DEPTOR: variants seen among roughly 807,000 people sequenced by gnomAD.
The protein encoded by DEPTOR is DEP domain containing MTOR interacting protein.
A neutral mutation model predicts 41.6 loss-of-function variants in DEPTOR; 41 were observed. The observed-to-expected ratio is 0.98, with a 90% CI of 0.77 to 1.28. DEPTOR has a LOEUF of 1.28. Ranked by LOEUF, DEPTOR falls within the 50% of genes most tolerant of loss-of-function variation. The probability of loss-of-function intolerance (pLI) is 0.00; values close to 1 mark genes in which losing one functional copy is unlikely to be tolerated. For synonymous variants in DEPTOR, 195 were observed against 192.3 expected (o/e 1.01, Z -0.12); for missense variants, 514 against 527.9 (o/e 0.97, Z 0.26).
At chr8:119,955,819 C>T (rs939551376) in intron 3 of DEPTOR, among the ~76,000 whole-genome samples, 15 of 152,104 alleles carry the variant, frequency 9.9e-5, no homozygotes, top group African/African-American at 2.7e-4. Flanking sequence ...CTGAATTGTA[C>T]GTGTTAAATA....
intron 3 of DEPTOR, among the ~76,000 whole-genome samples, chr8:119,932,163 T>G (rs112920347): frequency 0.015 from 2,301 of 151,896 alleles, 62 homozygotes; most frequent in African/African-American, 0.053. Context: ...TTTTTAACTT[T>G]TTGTAGAGAC....
intron 8 of DEPTOR, among the ~76,000 whole-genome samples, chr8:120,033,318 C>T (rs746471802): frequency 1.3e-5 from 2 of 152,070 alleles, no homozygotes; most frequent in Non-Finnish European, 2.9e-5. Flanking sequence ...AACTCCTAAC[C>T]TCAGGTGTTC....
chr8:119,876,697 A>T (rs556463103), intron 1 of DEPTOR, among the ~76,000 whole-genome samples: 4 of 151,950 alleles, frequency 2.6e-5, no homozygotes, highest in African/African-American at 9.7e-5. Flanking sequence ...TAGTGTTACT[A>T]TGAGGATTAG....
chr8:119,921,077 A>C (rs929636167), intron 1 of DEPTOR, among the ~76,000 whole-genome samples: 1 of 152,092 alleles, frequency 6.6e-6, no homozygotes, highest in African/African-American at 2.4e-5. Flanking sequence ...CCCAGGCTCA[A>C]GGGATCCTCC....
intron 1 of DEPTOR, among the ~76,000 whole-genome samples, chr8:119,883,304 CT>C (rs1285384441): frequency 1.1e-3 from 173 of 151,754 alleles, no homozygotes; most frequent in African/African-American, 4.1e-3. Context: ...GAAACCCCGT[CT>C]CTACTAAAAA....
chr8:119,952,613 C>G (rs369455436), intron 3 of DEPTOR, among the ~76,000 whole-genome samples: 1 of 152,190 alleles, frequency 6.6e-6, no homozygotes, highest in Non-Finnish European at 1.5e-5. Flanking sequence ...GTGTTGTTCC[C>G]CCCGGGCCGT....
intron 1 of DEPTOR, among the ~76,000 whole-genome samples, chr8:119,901,756 A>C (rs1009181611): frequency 6.6e-6 from 1 of 152,012 alleles, no homozygotes; most frequent in Non-Finnish European, 1.5e-5. Context: ...TGATGGCTCC[A>C]ATGCTTTCTG....
At position 120,039,981 on chromosome 8, in the gene DEPTOR, C is replaced by T. The variant is rs375889133; in HGVS notation, c.1102-9595C>T. ...GCCTCAGCCTCCCAAGTAGCTGGGA[C>T]TACAGGCACATGCCACCACGCCTGG... On this transcript the variant is annotated intron_variant, in intron 8 of 8. Coordinates refer to ENST00000286234, the MANE Select transcript of DEPTOR (RefSeq NM_022783.4). 1.8e-4 allele frequency among the ~76,000 whole-genome samples: 28 copies of T among 152,144 alleles called. No homozygotes were observed. The East Asian group carries it at 4.7e-3, about 25-fold the overall frequency.
chr8:119,877,055 G>T (rs965197294), intron 1 of DEPTOR, among the ~76,000 whole-genome samples: 2 of 152,134 alleles, frequency 1.3e-5, no homozygotes, highest in East Asian at 1.9e-4. Flanking sequence ...TTCTTATTCT[G>T]CCTCCACCAT....
At chr8:120,009,429 G>A (rs1330956748) in intron 8 of DEPTOR, among the ~76,000 whole-genome samples, 2 of 151,896 alleles carry the variant, frequency 1.3e-5, no homozygotes, top group African/African-American at 4.8e-5. Context: ...CCTGGCCACC[G>A]TGGCGAAACC....
chr8:119,914,057 TC>T (rs1827780433), intron 1 of DEPTOR, among the ~76,000 whole-genome samples: 1 of 151,622 alleles, frequency 6.6e-6, no homozygotes, highest in South Asian at 2.1e-4. Context: ...CCTTTTTTGT[TC>T]TTTTTTTTGA....
At chr8:120,013,437 G>A (rs1812562308) in intron 8 of DEPTOR, among the ~76,000 whole-genome samples, 1 of 152,134 alleles carries the variant, frequency 6.6e-6, no homozygotes, top group Non-Finnish European at 1.5e-5. Flanking sequence ...TTACAAAGAA[G>A]CCATTTGTAT....
At chr8:119,893,375 C>T (rs1179833328) in intron 1 of DEPTOR, among the ~76,000 whole-genome samples, 1 of 152,132 alleles carries the variant, frequency 6.6e-6, no homozygotes, top group African/African-American at 2.4e-5. Flanking sequence ...TCTGGAAGAA[C>T]GTTTATTCAG....
At chr8:119,995,153 A>G (rs898175182) in intron 4 of DEPTOR, among the ~76,000 whole-genome samples, 6 of 152,148 alleles carry the variant, frequency 3.9e-5, no homozygotes, top group Non-Finnish European at 5.9e-5. Context: ...TACATAAATT[A>G]TCTCATTTTT....
At chr8:120,009,569 C>T (rs1439284057) in intron 8 of DEPTOR, among the ~76,000 whole-genome samples, 2 of 152,104 alleles carry the variant, frequency 1.3e-5, no homozygotes, top group Non-Finnish European at 2.9e-5. Flanking sequence ...GCCAAGATCG[C>T]ACCACTGCAC....
At position 119,944,946 on chromosome 8, in the gene DEPTOR, G is replaced by A. The variant is rs529795654; in HGVS notation, c.425+15008G>A. On this transcript the variant is annotated intron_variant, in intron 3 of 8. Coordinates refer to ENST00000286234, the MANE Select transcript of DEPTOR (RefSeq NM_022783.4). The stretch of plus-strand genomic sequence containing the variant: ...TGGGATTACAGGCGTGAGCCACTGC[G>A]CCCAGCCTATAATGAATTATTTTGA... Among the ~76,000 whole-genome samples the A allele has an allele frequency of 5.3e-5, 8 of 151,916 alleles. No homozygotes were observed. The East Asian group carries it at 1.4e-3, about 26-fold the overall frequency.
At chr8:119,907,332 AT>A (rs1246556314) in intron 1 of DEPTOR, among the ~76,000 whole-genome samples, 1 of 152,144 alleles carries the variant, frequency 6.6e-6, no homozygotes, top group Non-Finnish European at 1.5e-5. Flanking sequence ...AAACCTAGAT[AT>A]TTTTTTAAAA....
intron 4 of DEPTOR, among the ~76,000 whole-genome samples, chr8:119,982,547 GTGT>G (rs1028630383): frequency 3.5e-4 from 53 of 152,156 alleles, no homozygotes; most frequent in African/African-American, 1.2e-3. Flanking sequence ...TATCTGCGTT[GTGT>G]TTAGCAACAC....
At chr8:119,992,475 T>G (rs1330574673) in intron 4 of DEPTOR, among the ~76,000 whole-genome samples, 5 of 152,238 alleles carry the variant, frequency 3.3e-5, no homozygotes, top group African/African-American at 9.6e-5. Flanking sequence ...TAAAAATTTT[T>G]GATGATGTGT....
Sources: allele counts gnomAD v4.1 joint callset (sites outside exome capture counted in the v4.1 genomes callset), GRCh38; gene constraint gnomAD v4.1.1; transcripts MANE v1.5; gene names NCBI Gene and HGNC (gene_info 2026-07-23, HGNC 2026-07-21).